Variants in GPR158 observed in about 807,000 individuals in gnomAD.
GPR158 encodes G protein-coupled receptor 158, also known as metabotropic glycine receptor.
Under a neutral mutation model 78.2 loss-of-function variants are expected in GPR158, and 30 were observed. That is an observed-to-expected ratio of 0.38 (90% CI 0.29 to 0.52). GPR158 has a LOEUF of 0.52. Ranked by LOEUF, GPR158 falls within the 20% of genes least tolerant of loss-of-function variation. The pLI, the probability that GPR158 is intolerant of heterozygous loss-of-function variation, is 0.83. For missense variants in GPR158, 1,463 were observed against 1,523.5 expected (o/e 0.96, Z 0.66); for synonymous variants, 581 against 591.1 (o/e 0.98, Z 0.25).
At chr10:25,426,774 G>A (rs1017383388) in intron 4 of GPR158, among the ~76,000 whole-genome samples, 2 of 148,326 alleles carry the variant, frequency 1.3e-5, no homozygotes, top group African/African-American at 5.0e-5. Context: ...ACACAGAGAC[G>A]AGAAGTGAGC....
chr10:25,287,114 C>T (rs933154673), intron 2 of GPR158, among the ~76,000 whole-genome samples: 1 of 152,122 alleles, frequency 6.6e-6, no homozygotes, highest in African/African-American at 2.4e-5. Flanking sequence ...TTTCTCAGTG[C>T]TCCTACGCCA....
intron 2 of GPR158, among the ~76,000 whole-genome samples, chr10:25,392,115 C>A (rs1021859315): frequency 2.0e-5 from 3 of 152,210 alleles, no homozygotes; most frequent in African/African-American, 7.2e-5. Flanking sequence ...AATTAAGACT[C>A]TTTCCTTTGT....
At chr10:25,221,849 A>G (rs1294505007) in intron 2 of GPR158, among the ~76,000 whole-genome samples, 1 of 152,214 alleles carries the variant, frequency 6.6e-6, no homozygotes, top group Non-Finnish European at 1.5e-5. Flanking sequence ...CAAACATACA[A>G]TAAAGTTCTT....
intron 5 of GPR158, among the ~76,000 whole-genome samples, chr10:25,535,141 T>G (rs899552124): frequency 6.6e-6 from 1 of 152,172 alleles, no homozygotes; most frequent in Non-Finnish European, 1.5e-5. Context: ...ATAACAGCAT[T>G]TCTGATGATA....
intron 2 of GPR158, among the ~76,000 whole-genome samples, chr10:25,309,114 T>A (rs191308416): frequency 1.3e-5 from 2 of 152,148 alleles, no homozygotes; most frequent in Non-Finnish European, 2.9e-5. Context: ...ATTTTTAGGC[T>A]TTTGAGGAGC....
rs73608279 is a variant in GPR158, at chr10:25,341,981, T to G, written c.1009-53930T>G. On this transcript the variant is annotated intron_variant, in intron 2 of 10. Coordinates refer to ENST00000376351, the MANE Select transcript of GPR158 (RefSeq NM_020752.3). ...CTCTCTATAACTGGCTGGGATTAAT[T>G]GACAGAGTTCCTGATACTTATTGCT... Among the ~76,000 whole-genome samples, 1,229 of 152,128 alleles carry G rather than the reference T, an allele frequency of 8.1e-3. 20 individuals carry two copies. The highest frequency in any genetic ancestry group is 0.028 in the African/African-American group (1,161 of 41,542).
At chr10:25,394,018 T>C (rs1834336663) in intron 2 of GPR158, among the ~76,000 whole-genome samples, 1 of 152,230 alleles carries the variant, frequency 6.6e-6, no homozygotes, top group Non-Finnish European at 1.5e-5. Flanking sequence ...TAGATCTAAA[T>C]TTTTGAATAA....
intron 1 of GPR158, among the ~76,000 whole-genome samples, chr10:25,187,889 G>T (rs1178231127): frequency 6.6e-6 from 1 of 152,112 alleles, no homozygotes; most frequent in Admixed American, 6.6e-5. Flanking sequence ...AAACCCCATC[G>T]TCTCAGCCCA....
chr10:25,486,813 AT>A (rs55940936), intron 5 of GPR158, among the ~76,000 whole-genome samples: 26 of 150,594 alleles, frequency 1.7e-4, no homozygotes, highest in Non-Finnish European at 2.7e-4. Context: ...ATGATAGACC[AT>A]TTTTTTTTGG....
intron 5 of GPR158, 109 bp from the exon 6 acceptor site, chr10:25,550,867 G>C: frequency 1.4e-6 from 1 of 700,092 alleles, no homozygotes. Context: ...GTATTCAGAT[G>C]AGTGTATATC....
intron 5 of GPR158, among the ~76,000 whole-genome samples, chr10:25,479,520 T>G (rs900975023): frequency 3.3e-5 from 5 of 152,060 alleles, no homozygotes; most frequent in Non-Finnish European, 7.4e-5. Flanking sequence ...GTTCCAACAA[T>G]TCTCCTGCCT....
intron 1 of GPR158, among the ~76,000 whole-genome samples, chr10:25,195,213 C>CT (rs1440678691): frequency 5.5e-4 from 81 of 146,804 alleles, no homozygotes; most frequent in Middle Eastern, 3.5e-3. Context: ...TTCTTTCTTT[C>CT]TTTTTTTTTT....
chr10:25,486,383 G>A (rs976724640), intron 5 of GPR158, among the ~76,000 whole-genome samples: 15 of 143,500 alleles, frequency 1.0e-4, no homozygotes, highest in African/African-American at 2.9e-4. Context: ...TAGCTGTGTC[G>A]TTGGGTTAGT....
At chr10:25,214,625 A>C (rs756436868) in intron 1 of GPR158, among the ~76,000 whole-genome samples, 6 of 152,064 alleles carry the variant, frequency 3.9e-5, no homozygotes, top group Non-Finnish European at 5.9e-5. Flanking sequence ...GATATGTTGC[A>C]CTCCTAACCT....
chr10:25,363,023 T>A (rs1220713687), intron 2 of GPR158, among the ~76,000 whole-genome samples: 1 of 151,938 alleles, frequency 6.6e-6, no homozygotes, highest in Non-Finnish European at 1.5e-5. Flanking sequence ...TTACATCATT[T>A]TTTTCTGCTA....
intron 2 of GPR158, among the ~76,000 whole-genome samples, chr10:25,332,956 G>GA (rs897797732): frequency 3.9e-4 from 60 of 152,218 alleles, no homozygotes; most frequent in African/African-American, 1.3e-3. Context: ...TGGGATACAT[G>GA]AGCTGTTCAT....
chr10:25,273,404 T>A, intron 2 of GPR158, among the ~76,000 whole-genome samples: 1 of 142,042 alleles, frequency 7.0e-6, no homozygotes, highest in East Asian at 1.9e-4. Context: ...TGGCATCTTT[T>A]TTTTTTTTTT....
At chr10:25,213,905 A>G (rs182110662) in intron 1 of GPR158, among the ~76,000 whole-genome samples, 167 of 152,276 alleles carry the variant, frequency 1.1e-3, no homozygotes, top group Admixed American at 1.4e-3. Context: ...CTTTTTAAAC[A>G]TTCCTTTTTG....
At chr10:25,236,276 T>C (rs11014450) in intron 2 of GPR158, among the ~76,000 whole-genome samples, 21,793 of 152,004 alleles carry the variant, frequency 0.14, 2,069 homozygotes, top group East Asian at 0.33. Context: ...GAGGCCAAGA[T>C]GGGCTGATCA....
Sources: gnomAD v4.1 joint callset for allele counts (sites outside exome capture counted in the v4.1 genomes callset) on GRCh38, gnomAD v4.1.1 for gene constraint, MANE v1.5 for transcripts, NCBI Gene and HGNC (gene_info 2026-07-23, HGNC 2026-07-21) for gene names.